The following CCDC88C variants were observed in gnomAD, a reference collection of about 807,000 sequenced individuals.
The protein encoded by CCDC88C is coiled-coil and HOOK domain protein 88C.
A neutral mutation model predicts 198.8 loss-of-function variants in CCDC88C; 131 were observed. That is an observed-to-expected ratio of 0.66 (90% CI 0.57 to 0.76). The LOEUF (loss-of-function observed/expected upper bound fraction) is 0.76. Among genes scored for constraint, CCDC88C ranks in the 30% least tolerant of loss-of-function variants. CCDC88C has a pLI of 0.00. For synonymous variants in CCDC88C, 1,166 were observed against 1,114.7 expected (o/e 1.05, Z -0.92); for missense variants, 2,553 against 2,631.6 (o/e 0.97, Z 0.65).
chr14:91,390,791 C>T (rs983562562), intron 3 of CCDC88C, among the ~76,000 whole-genome samples: 1 of 152,134 alleles, frequency 6.6e-6, no homozygotes, highest in African/African-American at 2.4e-5. Flanking sequence ...GGGGTGGAAG[C>T]ACCCCACTTC....
intron 10 of CCDC88C, among the ~76,000 whole-genome samples, chr14:91,326,564 G>GA (rs578084366): frequency 1.9e-4 from 29 of 151,412 alleles, no homozygotes; most frequent in South Asian, 1.7e-3. Flanking sequence ...TCTGCTATAA[G>GA]AAAAAAAAAT....
At chr14:91,405,903 G>A (rs1251092257) in intron 3 of CCDC88C, among the ~76,000 whole-genome samples, 2 of 152,264 alleles carry the variant, frequency 1.3e-5, no homozygotes, top group African/African-American at 4.8e-5. Flanking sequence ...TCCCTGGTCA[G>A]CAGCAAGTAC....
At chr14:91,292,051 C>T (rs562851424) in intron 23 of CCDC88C, among the ~76,000 whole-genome samples, 5 of 152,182 alleles carry the variant, frequency 3.3e-5, no homozygotes, top group Non-Finnish European at 5.9e-5. Flanking sequence ...GAAAACGAGG[C>T]CTTACATGAG....
intron 23 of CCDC88C, among the ~76,000 whole-genome samples, chr14:91,292,949 C>T (rs1447949541): frequency 6.6e-6 from 1 of 152,116 alleles, no homozygotes; most frequent in Non-Finnish European, 1.5e-5. Context: ...AGCTGAGCGC[C>T]CACCTCCTTT....
In CCDC88C at chr14:91,313,974, C is replaced by T. The variant is rs750206099; in HGVS notation, c.1842G>A (p.Arg614=). Residue 614 remains arginine, a synonymous_variant, in exon 15 of 30, where the codon CGG becomes CGA. Transcript: ENST00000389857. The surrounding 1 kb of genome is among the most constrained non-coding windows in gnomAD (Gnocchi z 5.2). Reference sequence around the variant, plus strand: ...CCTGCTCCAAGTCCCTGTGCAGCTGCCGCTTCTCAAACTCCAACTGGCTGA... The same window carrying T: ...CCTGCTCCAAGTCCCTGTGCAGCTGTCGCTTCTCAAACTCCAACTGGCTGA... ...GKLSQLEFEK[R]QLHRDLEQAK... 1.5e-5 allele frequency: 25 copies of T among 1,613,704 alleles called. No individual in the cohort carries two copies. In the South Asian group the frequency reaches 2.6e-4, roughly 17 times the overall value.
chr14:91,309,801 C>G, intron 16 of CCDC88C, 58 bp downstream of exon 16: 1 of 1,553,546 alleles, frequency 6.4e-7, no homozygotes, highest in Non-Finnish European at 8.8e-7. Context: ...GAGGAGCCTG[C>G]AGACTGAACA....
chr14:91,386,048 A>C (rs1455141800), intron 3 of CCDC88C, among the ~76,000 whole-genome samples: 3 of 152,032 alleles, frequency 2.0e-5, no homozygotes, highest in Non-Finnish European at 4.4e-5. Flanking sequence ...GGGCCTCATT[A>C]CCTATCTGTA....
rs915220711 is a variant in CCDC88C, at chr14:91,417,714, C to T, written c.-24G>A. The T allele has an allele frequency of 1.3e-6, 2 of 1,490,336 alleles. No homozygotes were observed. The highest frequency in any genetic ancestry group is 1.5e-5 in the African/African-American group (1 of 68,774). The allele number at this position is 1,490,336 out of a possible 1,614,324, so 92.3% of individuals were successfully genotyped here. On this transcript the variant is annotated 5_prime_UTR_variant, in exon 1 of 30. Transcript: ENST00000389857. Reference sequence around the variant, plus strand: ...ATGCTGAGGCTGCGCCCGCCGGCTCCGCGCCCCCCGCCCCGCGTCCCCGTT... The same window carrying T: ...ATGCTGAGGCTGCGCCCGCCGGCTCTGCGCCCCCCGCCCCGCGTCCCCGTT...
At position 91,304,737 on chromosome 14, in the gene CCDC88C, AAACTG is replaced by A. The variant is rs1057498052; in HGVS notation, c.3358-764_3358-760del. On this transcript the variant is annotated intron_variant, in intron 19 of 29. Coordinates refer to ENST00000389857, the MANE Select transcript of CCDC88C (RefSeq NM_001080414.4). Reference sequence around the variant, plus strand: ...TCCAACAACATCCAAAATCATCAGAAAACTGAAGAGGAGGGAATACTTCCCAAATC... The same window carrying A: ...TCCAACAACATCCAAAATCATCAGAAAAGAGGAGGGAATACTTCCCAAATC... 4.7e-4 allele frequency among the ~76,000 whole-genome samples: 71 copies of A among 152,258 alleles called. 1 individual carries two copies. The highest frequency in any genetic ancestry group is 1.7e-3 in the African/African-American group (71 of 41,464).
chr14:91,311,608 C>T (rs759364872), intron 15 of CCDC88C, among the ~76,000 whole-genome samples: 1 of 152,208 alleles, frequency 6.6e-6, no homozygotes, highest in Non-Finnish European at 1.5e-5. Flanking sequence ...TGGCTTCTCC[C>T]ATGTGGGCAG....
intron 6 of CCDC88C, among the ~76,000 whole-genome samples, chr14:91,340,365 T>C (rs1490836531): frequency 1.3e-5 from 2 of 152,184 alleles, no homozygotes; most frequent in Non-Finnish European, 2.9e-5. Context: ...AGCTTCAGGG[T>C]GAGAGGGTGA....
intron 6 of CCDC88C, 186 bp downstream of exon 6, chr14:91,342,194 C>T: frequency 2.4e-6 from 1 of 411,832 alleles, no homozygotes; most frequent in Admixed American, 4.1e-5. Flanking sequence ...TTTATTTTAG[C>T]TGGCTGATTG....
intron 3 of CCDC88C, among the ~76,000 whole-genome samples, chr14:91,360,033 A>G (rs371680606): frequency 2.4e-4 from 36 of 152,308 alleles, no homozygotes; most frequent in African/African-American, 8.2e-4. Context: ...GAGGTCTTGG[A>G]AAAAAAGGCA....
chr14:91,310,312 C>T (rs543417779), intron 15 of CCDC88C, among the ~76,000 whole-genome samples: 1 of 152,184 alleles, frequency 6.6e-6, no homozygotes, highest in East Asian at 1.9e-4. Context: ...ATATGGCTGA[C>T]TTTTCAACAA....
At chr14:91,366,431 A>G (rs1894542012) in intron 3 of CCDC88C, among the ~76,000 whole-genome samples, 1 of 152,222 alleles carries the variant, frequency 6.6e-6, no homozygotes, top group South Asian at 2.1e-4. Flanking sequence ...GATTGCAGTG[A>G]GCCGAGATTG....
chr14:91,351,702 T>C (rs1026898026), intron 4 of CCDC88C, among the ~76,000 whole-genome samples: 1 of 152,070 alleles, frequency 6.6e-6, no homozygotes, highest in Non-Finnish European at 1.5e-5. Flanking sequence ...CTAAGCTGCA[T>C]GCCTGTGTGG....
At position 91,273,538 on chromosome 14, in the gene CCDC88C, G is replaced by A; in HGVS notation, c.5174C>T (p.Pro1725Leu). 1 of 1,521,514 alleles carries A rather than the reference G, an allele frequency of 6.6e-7. No individual in the cohort carries two copies. Among genetic ancestry groups the A allele is most frequent in the Non-Finnish European group, 8.8e-7 (1 of 1,133,592 alleles). The allele number at this position is 1,521,514 out of a possible 1,614,324, so 94.3% of individuals were successfully genotyped here. Residue 1725 changes from proline (P) to leucine (L), a missense_variant, in exon 30 of 30, where the codon CCC (proline) becomes CTC (leucine). Physicochemically the swap from Pro to Leu is moderately conservative, Grantham distance 98 (BLOSUM62 -3). This residue lies in a region of CCDC88C where 1,293 missense variants were observed against 1,219.6 expected (regional missense o/e 1.06). Transcript: ENST00000389857. The surrounding 1 kb of genome is among the most constrained non-coding windows in gnomAD (Gnocchi z 5.6). ...PPAKKEGAKMPTNFVAPTVKM... is the reference protein window; with the variant it reads ...PPAKKEGAKMLTNFVAPTVKM... ...GACGGTGGGGGCCACAAAGTTGGTG[G>A]GCATCTTGGCCCCTTCTTTCTTGGC...
At chr14:91,308,523 T>C in intron 16 of CCDC88C, 31 bp from the exon 17 acceptor site, 2 of 1,608,706 alleles carry the variant, frequency 1.2e-6, no homozygotes, top group Non-Finnish European at 1.7e-6. Context: ...ATAGTATCAC[T>C]TATCTACTTC....
chr14:91,317,050 T>C (rs975739522), intron 13 of CCDC88C, among the ~76,000 whole-genome samples: 4 of 152,228 alleles, frequency 2.6e-5, no homozygotes, highest in African/African-American at 9.6e-5. Context: ...GAGCTGCTCC[T>C]GCCTCTCATG....
Sources: allele counts gnomAD v4.1 joint callset (sites outside exome capture counted in the v4.1 genomes callset), GRCh38; gene constraint gnomAD v4.1.1; regional missense constraint gnomAD v4.1.1; non-coding constraint Gnocchi (gnomAD v3.1); transcripts MANE v1.5; gene names NCBI Gene and HGNC (gene_info 2026-07-23, HGNC 2026-07-21).